The following GGCT variants were observed in gnomAD, a reference collection of about 807,000 sequenced individuals.
The protein encoded by GGCT is cytochrome c-releasing factor 21.
In GGCT, 20 loss-of-function variants were observed where a neutral mutation model predicts 22.1. The observed-to-expected ratio is 0.91, with a 90% CI of 0.64 to 1.32. The LOEUF is 1.32. Among genes scored for constraint, GGCT ranks in the 40% most tolerant of loss-of-function variants. GGCT has a pLI of 0.00. For synonymous variants in GGCT, 72 were observed against 78.4 expected, an observed-to-expected ratio of 0.92 and a Z score of 0.43; for missense variants, 209 against 223.5, an observed-to-expected ratio of 0.94 and a Z score of 0.41.
At chr7:30,504,260 C>T (rs969290935) in intron 1 of GGCT, among the ~76,000 whole-genome samples, 1 of 152,240 alleles carries the variant, frequency 6.6e-6, no homozygotes, top group Non-Finnish European at 1.5e-5. Context: ...AGAAGACTCT[C>T]CAGAAGTACC....
intron 3 of GGCT, chr7:30,497,838 T>C: frequency 6.9e-7 from 1 of 1,457,968 alleles, no homozygotes; most frequent in Non-Finnish European, 9.2e-7. Flanking sequence ...ATTCTTGTCT[T>C]GTGCTTGCAA....
rs1272240500 is a variant in GGCT at position 30,504,697 on chromosome 7, C to A, written c.13G>T (p.Gly5Cys). ...TCTGGACCCGTGACGTCCTTGCAGC[C>A]CGAGTTGGCCATATCCCACTACGCC... Reference protein sequence around the residue: MANSGCKDVTGPDEE... With the variant: MANSCCKDVTGPDEE... Residue 5 changes from glycine to cysteine, a missense_variant, in exon 1 of 4, where the codon GGC becomes TGC. Coordinates refer to ENST00000275428, the MANE Select transcript of GGCT (RefSeq NM_024051.4). 3.1e-5 allele frequency: 50 copies of A among 1,614,112 alleles called. No homozygotes were observed. The highest frequency in any genetic ancestry group is 4.1e-5 in the Non-Finnish European group (48 of 1,179,958).
intron 2 of GGCT, 87 bp from the exon 3 acceptor site, chr7:30,499,025 G>T: frequency 8.8e-7 from 1 of 1,133,104 alleles, no homozygotes; most frequent in South Asian, 1.2e-5. Context: ...AGTCAAGATG[G>T]TGTATGGGAT....
chr7:30,498,405 A>G (rs550017876), intron 3 of GGCT, among the ~76,000 whole-genome samples: 103 of 152,298 alleles, frequency 6.8e-4, no homozygotes, highest in African/African-American at 2.4e-3. Context: ...AATTTAAAAC[A>G]TACAAAACCT....
intron 2 of GGCT, 103 bp from the exon 3 acceptor site, chr7:30,499,041 A>G (rs1261187058): frequency 2.1e-6 from 2 of 932,232 alleles, no homozygotes; most frequent in African/African-American, 1.6e-5. Context: ...GGGATTAAAC[A>G]TTTAACTACA....
chr7:30,499,423 G>C (rs1789642278), intron 2 of GGCT, among the ~76,000 whole-genome samples: 1 of 151,028 alleles, frequency 6.6e-6, no homozygotes, highest in East Asian at 1.9e-4. Flanking sequence ...AAAAAAAAAG[G>C]CCGGGTGCAG....
chr7:30,497,720 G>T, intron 3 of GGCT: 1 of 1,322,334 alleles, frequency 7.6e-7, no homozygotes, highest in Non-Finnish European at 9.8e-7. Flanking sequence ...AATTCCAAAC[G>T]AGGCCTAGGA....
chr7:30,499,061 AC>A, intron 2 of GGCT, 123 bp from the exon 3 acceptor site: 1 of 856,460 alleles, frequency 1.2e-6, no homozygotes, highest in Non-Finnish European at 2.0e-6. Flanking sequence ...ATCTGAACAT[AC>A]TTGCTCCCTA....
At chr7:30,498,140 A>G (rs548121513) in intron 3 of GGCT, among the ~76,000 whole-genome samples, 1 of 149,424 alleles carries the variant, frequency 6.7e-6, no homozygotes, top group Non-Finnish European at 1.5e-5. Context: ...ACTTTAATAC[A>G]TGTCTACATC....
chr7:30,497,924 G>C, intron 3 of GGCT: 1 of 1,310,470 alleles, frequency 7.6e-7, no homozygotes. Context: ...TTCAGCAGTA[G>C]AAAGTATGTT....
At chr7:30,499,086 G>C (rs1260239755) in intron 2 of GGCT, 148 bp from the exon 3 acceptor site, 4 of 780,762 alleles carry the variant, frequency 5.1e-6, no homozygotes, top group Non-Finnish European at 9.0e-6. Context: ...ATTTGGGATA[G>C]AGAATATATA....
rs755725786 is a variant in GGCT, at chr7:30,504,725, T to G, written c.-16A>C. ...AGTTGGCCATATCCCACTACGCCCC[T>G]GCACTGGAGCCTGAAGCAGAGTGTA... On this transcript the variant is annotated 5_prime_UTR_variant, in exon 1 of 4. Transcript: ENST00000275428. 2 of 1,613,364 alleles carry G rather than the reference T, an allele frequency of 1.2e-6. No individual in the cohort carries two copies. Among genetic ancestry groups the G allele is most frequent in the Non-Finnish European group, 1.7e-6 (2 of 1,179,364 alleles).
rs901737549 is a variant in GGCT at position 30,504,582 on chromosome 7, A to C, written c.128T>G (p.Val43Gly). Residue 43 changes from valine to glycine, a missense_variant, in exon 1 of 4, where the codon GTG becomes GGG. Coordinates refer to ENST00000275428, the MANE Select transcript of GGCT (RefSeq NM_024051.4). Reference protein sequence around the residue: ...LRNPSAAFFCVARLQDFKLDF... With the variant: ...LRNPSAAFFCGARLQDFKLDF... ...GGGGGCACTCACCTGCAGGCGGGCC[A>C]CACAGAAGAACGCCGCCGAGGGGTT... 2.5e-6 allele frequency: 4 copies of C among 1,613,626 alleles called. No individual in the cohort carries two copies. In the African/African-American group the frequency reaches 5.3e-5, roughly 22 times the overall value.
intron 2 of GGCT, among the ~76,000 whole-genome samples, chr7:30,499,582 C>A (rs1207143905): frequency 6.6e-6 from 1 of 150,632 alleles, no homozygotes; most frequent in Non-Finnish European, 1.5e-5. Flanking sequence ...CATGGTGGTG[C>A]ATGCCTGTAA....
rs570365181 is a variant in GGCT, at chr7:30,499,284, A to G, written c.288-346T>C. On this transcript the variant is annotated intron_variant, in intron 2 of 3. Transcript: ENST00000275428. ...TAGCCGGGCGTGGTGGTGGGCGCCT[A>G]TAGTCCCAGCTACTCAATAGGCTGA... is the stretch of plus-strand genomic sequence containing the variant. Among the ~76,000 whole-genome samples, 5 of 151,768 alleles carry G rather than the reference A, an allele frequency of 3.3e-5. No individual in the cohort carries two copies. In the South Asian group the frequency reaches 8.4e-4, roughly 25 times the overall value.
At position 30,498,944 on chromosome 7, in the gene GGCT, A is replaced by G. The variant is rs1324143890; in HGVS notation, c.288-6T>C. The G allele has an allele frequency of 6.2e-7, 1 of 1,613,882 alleles. No homozygotes were observed. Among genetic ancestry groups the G allele is most frequent in the South Asian group, 1.1e-5 (1 of 91,076 alleles). ...CACTTTTAACCCCTTCTTGCCTGAAACCAGAACAGCCAAATTTTAACCACA... is the reference window on the plus strand; with the variant it reads ...CACTTTTAACCCCTTCTTGCCTGAAGCCAGAACAGCCAAATTTTAACCACA... On this transcript the variant is annotated splice_region_variant and splice_polypyrimidine_tract_variant and intron_variant, in intron 2 of 3. Transcript: ENST00000275428.
chr7:30,502,052 T>A (rs1164339831), intron 1 of GGCT, among the ~76,000 whole-genome samples: 1 of 152,226 alleles, frequency 6.6e-6, no homozygotes, highest in African/African-American at 2.4e-5. Context: ...GATCTGCCTC[T>A]TTCCTGATTT....
intron 2 of GGCT, 192 bp from the exon 3 acceptor site, chr7:30,499,130 G>A: frequency 1.6e-6 from 1 of 612,914 alleles, no homozygotes; most frequent in Non-Finnish European, 2.9e-6. Flanking sequence ...TTAGCATTTA[G>A]GCTGGGTACG....
intron 2 of GGCT, among the ~76,000 whole-genome samples, 169 bp downstream of exon 2, chr7:30,500,367 A>T (rs955373263): frequency 6.6e-6 from 1 of 152,248 alleles, no homozygotes; most frequent in Non-Finnish European, 1.5e-5. Flanking sequence ...TAGCCTTTCT[A>T]GACCTTTTAG....
Sources: allele counts gnomAD v4.1 joint callset (sites outside exome capture counted in the v4.1 genomes callset), GRCh38; gene constraint gnomAD v4.1.1; transcripts MANE v1.5; gene names NCBI Gene and HGNC (gene_info 2026-07-23, HGNC 2026-07-21).